Variants in KSR2 observed in about 807,000 individuals in gnomAD.
KSR2 encodes the protein kinase suppressor of ras 2.
KSR2 carries 25 observed loss-of-function variants against 107.8 expected under a neutral mutation model. The ratio of observed to expected loss-of-function variants is 0.23; its 90% CI spans 0.17 to 0.32. KSR2 has a LOEUF of 0.32. Among genes scored for constraint, KSR2 ranks in the 10% least tolerant of loss-of-function variants. KSR2 has a pLI of 1.00. For missense variants in KSR2, 887 were observed against 1,268.9 expected, an observed-to-expected ratio of 0.70 and a Z score of 4.57; for synonymous variants, 480 against 507.0, an observed-to-expected ratio of 0.95 and a Z score of 0.71.
chr12:117,683,535 T>C (rs1406952037), intron 4 of KSR2, among the ~76,000 whole-genome samples: 1 of 152,222 alleles, frequency 6.6e-6, no homozygotes, highest in Non-Finnish European at 1.5e-5. Flanking sequence ...GTATATTATA[T>C]GTCTATTGGA....
intron 1 of KSR2, among the ~76,000 whole-genome samples, chr12:117,867,459 C>T (rs917098729): frequency 7.2e-5 from 11 of 152,172 alleles, no homozygotes; most frequent in Admixed American, 6.5e-4. Context: ...CTCCTGTGTC[C>T]ATACCCTTTG....
At chr12:117,867,863 C>T (rs1306666390) in intron 1 of KSR2, among the ~76,000 whole-genome samples, 3 of 152,110 alleles carry the variant, frequency 2.0e-5, no homozygotes, top group Non-Finnish European at 4.4e-5. Flanking sequence ...TATGGGGACC[C>T]GTAGCTAACT....
At chr12:117,551,664 AT>A (rs1877321493) in intron 9 of KSR2, among the ~76,000 whole-genome samples, 3 of 152,180 alleles carry the variant, frequency 2.0e-5, no homozygotes, top group Admixed American at 2.0e-4. Context: ...GAAAAAAAAA[AT>A]CTTCAGACCA....
intron 3 of KSR2, among the ~76,000 whole-genome samples, chr12:117,827,285 C>T (rs1891796315): frequency 6.6e-6 from 1 of 152,166 alleles, no homozygotes; most frequent in Admixed American, 6.5e-5. Flanking sequence ...AGCCAGATCC[C>T]CTTTGCAGCT....
At chr12:117,638,253 T>A (rs776429660) in intron 5 of KSR2, among the ~76,000 whole-genome samples, 1 of 152,258 alleles carries the variant, frequency 6.6e-6, no homozygotes, top group Non-Finnish European at 1.5e-5. Context: ...TTTGTTTTAA[T>A]GCCAAATTAC....
At chr12:117,645,858 T>C (rs1461033013) in intron 5 of KSR2, among the ~76,000 whole-genome samples, 2 of 135,894 alleles carry the variant, frequency 1.5e-5, no homozygotes, top group East Asian at 4.4e-4. Flanking sequence ...GGAATGTGCA[T>C]GTGTATGTGC....
At chr12:117,924,706 G>A (rs1214382233) in intron 1 of KSR2, among the ~76,000 whole-genome samples, 1 of 151,752 alleles carries the variant, frequency 6.6e-6, no homozygotes, top group African/African-American at 2.4e-5. Flanking sequence ...CAACAAATAA[G>A]TAATGTGGGG....
intron 4 of KSR2, among the ~76,000 whole-genome samples, chr12:117,755,042 A>G (rs1316148705): frequency 6.6e-6 from 1 of 152,220 alleles, no homozygotes; most frequent in East Asian, 1.9e-4. Flanking sequence ...AGAAGAAACC[A>G]GACATGAAAG....
chr12:117,553,311 G>C (rs951422253), intron 9 of KSR2, among the ~76,000 whole-genome samples: 1 of 152,258 alleles, frequency 6.6e-6, no homozygotes, highest in Non-Finnish European at 1.5e-5. Flanking sequence ...CATGGAAGGA[G>C]AGGTCAGAGA....
intron 1 of KSR2, among the ~76,000 whole-genome samples, chr12:117,948,728 A>G (rs1165817128): frequency 6.6e-6 from 1 of 152,240 alleles, no homozygotes; most frequent in Non-Finnish European, 1.5e-5. Context: ...ATGAATTTCA[A>G]TTTAAACTCA....
intron 4 of KSR2, among the ~76,000 whole-genome samples, chr12:117,673,260 G>A (rs138165687): frequency 4.6e-5 from 7 of 152,028 alleles, no homozygotes; most frequent in East Asian, 1.9e-4. Context: ...GGAAGGAAGG[G>A]TGAAAAATTG....
At chr12:117,495,514 C>T (rs1173208609) in intron 14 of KSR2, among the ~76,000 whole-genome samples, 1 of 152,216 alleles carries the variant, frequency 6.6e-6, no homozygotes, top group African/African-American at 2.4e-5. Context: ...AAGGGGCTGG[C>T]TGGGGAAGGC....
At chr12:117,584,770 C>T (rs749874260) in intron 5 of KSR2, among the ~76,000 whole-genome samples, 1 of 152,182 alleles carries the variant, frequency 6.6e-6, no homozygotes, top group Non-Finnish European at 1.5e-5. Context: ...TCAGTAGGTG[C>T]TAGGGATTAT....
intron 4 of KSR2, among the ~76,000 whole-genome samples, chr12:117,713,211 T>G (rs1886857649): frequency 6.6e-6 from 1 of 151,658 alleles, no homozygotes; most frequent in Non-Finnish European, 1.5e-5. Flanking sequence ...TAGATATATA[T>G]AGATAGATAA....
rs182634173 is a variant in KSR2, at chr12:117,483,414, C to T, written c.2450+1002G>A. 3.5e-3 allele frequency among the ~76,000 whole-genome samples: 527 copies of T among 151,896 alleles called. 2 individuals carry two copies. The highest frequency in any genetic ancestry group is 6.0e-3 in the Non-Finnish European group (407 of 67,918). On this transcript the variant is annotated intron_variant, in intron 16 of 19. Coordinates refer to ENST00000339824, the MANE Select transcript of KSR2 (RefSeq NM_173598.6). ...ATAAAATAAAAAAAAATCAGTGGTT[C>T]TCAAAAGCAGCTGAAACTGAAGTAA...
chr12:117,867,202 G>A (rs1156342329), intron 1 of KSR2, among the ~76,000 whole-genome samples: 2 of 152,242 alleles, frequency 1.3e-5, no homozygotes, highest in South Asian at 2.1e-4. Context: ...TGTGGTCCCA[G>A]ATACTCAGGA....
chr12:117,765,312 C>A (rs971387023), intron 3 of KSR2, among the ~76,000 whole-genome samples: 1 of 152,158 alleles, frequency 6.6e-6, no homozygotes, highest in Non-Finnish European at 1.5e-5. Flanking sequence ...GTGCTTTTGG[C>A]ATTATCATGA....
intron 4 of KSR2, among the ~76,000 whole-genome samples, chr12:117,723,767 C>A (rs1219732048): frequency 6.6e-6 from 1 of 152,058 alleles, no homozygotes; most frequent in Non-Finnish European, 1.5e-5. Context: ...GGAGCATCTG[C>A]ACTATTTCTT....
intron 1 of KSR2, among the ~76,000 whole-genome samples, chr12:117,908,688 C>T (rs752982781): frequency 5.9e-5 from 9 of 152,128 alleles, no homozygotes; most frequent in Non-Finnish European, 1.0e-4. Context: ...TAACACAATA[C>T]AAAGAAAAGT....
Sources: allele counts gnomAD v4.1 joint callset (sites outside exome capture counted in the v4.1 genomes callset), GRCh38; gene constraint gnomAD v4.1.1; transcripts MANE v1.5; gene names NCBI Gene and HGNC (gene_info 2026-07-23, HGNC 2026-07-21).